The following ABCG1 variants were observed in gnomAD, a reference collection of about 807,000 sequenced individuals.
ABCG1 encodes the protein ATP binding cassette subfamily G member 1.
ABCG1 carries 29 observed loss-of-function variants against 69.2 expected under a neutral mutation model. That is an observed-to-expected ratio of 0.42 (90% CI 0.31 to 0.57). The LOEUF (loss-of-function observed/expected upper bound fraction) is 0.57. Ranked by LOEUF, ABCG1 falls within the 20% of genes least tolerant of loss-of-function variation. ABCG1 has a pLI of 0.15. For synonymous variants in ABCG1, 370 were observed against 374.8 expected (o/e 0.99, Z 0.15); for missense variants, 718 against 898.1 (o/e 0.80, Z 2.56).
chr21:42,224,701 C>T (rs2067786105), intron 1 of ABCG1, among the ~76,000 whole-genome samples: 1 of 152,168 alleles, frequency 6.6e-6, no homozygotes, highest in Non-Finnish European at 1.5e-5. Context: ...ATTTGGAAGA[C>T]AGCAAGAAAA....
At chr21:42,292,968 CCA>C (rs1287267154) in intron 13 of ABCG1, among the ~76,000 whole-genome samples, 2 of 147,134 alleles carry the variant, frequency 1.4e-5, no homozygotes, top group African/African-American at 5.0e-5. Flanking sequence ...ACACTACACA[CCA>C]CACACTACAC....
At chr21:42,275,030 T>A (rs8134199) in intron 4 of ABCG1, among the ~76,000 whole-genome samples, 39,221 of 151,984 alleles carry the variant, frequency 0.26, 5,223 homozygotes, top group African/African-American at 0.31. Flanking sequence ...CTTGATCTGC[T>A]CTGTGCTTTG....
intron 3 of ABCG1, among the ~76,000 whole-genome samples, chr21:42,271,451 G>A (rs938280012): frequency 2.7e-5 from 4 of 150,712 alleles, no homozygotes; most frequent in Admixed American, 2.6e-4. Flanking sequence ...ACAGGAGGAA[G>A]TAGGAAGGTC....
chr21:42,233,591 A>C (rs2067932582), intron 2 of ABCG1, among the ~76,000 whole-genome samples: 1 of 152,240 alleles, frequency 6.6e-6, no homozygotes, highest in African/African-American at 2.4e-5. Flanking sequence ...CTTGGTCTTG[A>C]AATAAGCTCA....
intron 2 of ABCG1, among the ~76,000 whole-genome samples, chr21:42,227,839 GGAGAGA>G (rs147610335): frequency 6.6e-6 from 1 of 150,548 alleles, no homozygotes; most frequent in East Asian, 1.9e-4. Flanking sequence ...TGGGGTGAGG[GGAGAGA>G]GAGAGAGAGA....
chr21:42,250,087 G>A (rs781499364), intron 2 of ABCG1, among the ~76,000 whole-genome samples: 21 of 151,910 alleles, frequency 1.4e-4, no homozygotes, highest in Non-Finnish European at 2.2e-4. Flanking sequence ...CTTGGGTCAC[G>A]TGTGAACACA....
intron 7 of ABCG1, 72 bp downstream of exon 7, chr21:42,284,755 G>C: frequency 6.4e-7 from 1 of 1,555,516 alleles, no homozygotes; most frequent in Non-Finnish European, 8.7e-7. Flanking sequence ...ACCAAACCCT[G>C]GGTACCCACT....
intron 2 of ABCG1, among the ~76,000 whole-genome samples, chr21:42,229,412 A>G (rs1360090683): frequency 6.6e-6 from 1 of 152,188 alleles, no homozygotes; most frequent in East Asian, 1.9e-4. Context: ...GTAAGAAGTG[A>G]AGCAGTTTTG....
chr21:42,252,601 T>C (rs938522093), intron 2 of ABCG1, among the ~76,000 whole-genome samples: 3 of 152,102 alleles, frequency 2.0e-5, no homozygotes, highest in Admixed American at 1.3e-4. Flanking sequence ...GATTTTTCTT[T>C]AGCGGGGGTG....
At position 42,273,331 on chromosome 21, in the gene ABCG1, A is replaced by G. The variant is rs753135977; in HGVS notation, c.433A>G (p.Ile145Val). 5 of 1,613,458 alleles carry G rather than the reference A, an allele frequency of 3.1e-6. No individual in the cohort carries two copies. The East Asian group carries it at 1.1e-4, about 36-fold the overall frequency. Reference protein sequence around the residue: ...RETGMKGAVLINGLPRDLRCF... With the variant: ...RETGMKGAVLVNGLPRDLRCF... ...GACGGGCATGAAGGGGGCCGTCCTCATCAACGGCCTGCCCCGGGACCTGCG... is the reference window on the plus strand; with the variant it reads ...GACGGGCATGAAGGGGGCCGTCCTCGTCAACGGCCTGCCCCGGGACCTGCG... Residue 145 changes from isoleucine (I) to valine (V), a missense_variant, in exon 4 of 15, where the codon ATC becomes GTC. Ile to Val is a conservative substitution (Grantham distance 29). This residue lies in a region of ABCG1 where 514 missense variants were observed against 574.3 expected (regional missense o/e 0.90). Coordinates refer to ENST00000398449, the MANE Select transcript of ABCG1 (RefSeq NM_016818.3). The surrounding 1 kb of genome is among the most constrained non-coding windows in gnomAD (Gnocchi z 5.3).
upstream of ABCG1, among the ~76,000 whole-genome samples, chr21:42,211,888 TAAAAACAAAAATCA>T (rs1569201378): frequency 6.6e-6 from 1 of 151,918 alleles, no homozygotes; most frequent in Non-Finnish European, 1.5e-5. Flanking sequence ...GACTCTGTCT[TAAAAACAAAAATCA>T]AAAAACAAAA....
At chr21:42,254,577 A>G (rs2123661737) in intron 2 of ABCG1, among the ~76,000 whole-genome samples, 1 of 152,338 alleles carries the variant, frequency 6.6e-6, no homozygotes, top group East Asian at 1.9e-4. Context: ...TTCCTGTTTC[A>G]GAAGGTGCAA....
In ABCG1 at chr21:42,284,658, C is replaced by A; in HGVS notation, c.833C>A (p.Ala278Asp). The change falls in exon 7 of 15, where the codon GCC becomes GAC. Residue 278 changes from alanine (A) to aspartate (D), a missense_variant. This residue lies in a region of ABCG1 where 514 missense variants were observed against 574.3 expected (regional missense o/e 0.90). Transcript: ENST00000398449. ...SIICTIHQPSAKLFELFDQLY... is the reference protein window; with the variant it reads ...SIICTIHQPSDKLFELFDQLY... Reference sequence around the variant, plus strand: ...ATTTGCACCATCCACCAGCCCAGCGCCAAACTCTTCGAGCTGTTCGACCAG... The same window carrying A: ...ATTTGCACCATCCACCAGCCCAGCGACAAACTCTTCGAGCTGTTCGACCAG... 6.2e-7 allele frequency: 1 copy of A among 1,613,800 alleles called. No homozygotes were observed. The highest frequency in any genetic ancestry group is 2.2e-5 in the East Asian group (1 of 44,880).
At chr21:42,264,615 T>G (rs1255416783) in intron 2 of ABCG1, among the ~76,000 whole-genome samples, 1 of 152,132 alleles carries the variant, frequency 6.6e-6, no homozygotes, top group African/African-American at 2.4e-5. Flanking sequence ...AAAGGTGAGG[T>G]TCCTACTTCT....
chr21:42,271,011 A>G, intron 2 of ABCG1, 59 bp from the exon 3 acceptor site: 3 of 1,198,050 alleles, frequency 2.5e-6, no homozygotes, highest in South Asian at 2.0e-5. Flanking sequence ...GAACATTTGC[A>G]TATTTACTGC....
intron 2 of ABCG1, among the ~76,000 whole-genome samples, chr21:42,245,662 G>A (rs939392138): frequency 3.9e-5 from 6 of 152,238 alleles, no homozygotes; most frequent in Non-Finnish European, 5.9e-5. Context: ...TCTGCAAACA[G>A]GAGTCGCATC....
At chr21:42,257,828 T>G (rs933615964) in intron 2 of ABCG1, among the ~76,000 whole-genome samples, 1 of 152,176 alleles carries the variant, frequency 6.6e-6, no homozygotes, top group African/African-American at 2.4e-5. Context: ...GACTGAGGCT[T>G]CATGAAGATC....
Position 42,288,146 on chromosome 21 carries a change from C to G in ABCG1, c.1123-65C>G. 1.2e-6 allele frequency: 2 copies of G among 1,610,734 alleles called. No individual in the cohort carries two copies. The highest frequency in any genetic ancestry group is 1.1e-5 in the South Asian group (1 of 91,012). ...TGCACTGCTGCATGAGAGCTCTTTC[C>G]GAGCAAGAAGGAGCCGTGGCTCCGG... On this transcript the variant is annotated intron_variant, in intron 9 of 14. Coordinates refer to ENST00000398449, the MANE Select transcript of ABCG1 (RefSeq NM_016818.3). The surrounding 1 kb of genome is among the most constrained non-coding windows in gnomAD (Gnocchi z 4.8).
chr21:42,273,183 T>G lies in ABCG1; in HGVS notation c.405-120T>G. ...TGCCCCTCGGGGTCCCCGTGGCCAG[T>G]GGTTCAGCTGGGAAGATGCTGGGAG... On this transcript the variant is annotated intron_variant, in intron 3 of 14. Transcript: ENST00000398449. The surrounding 1 kb of genome is among the most constrained non-coding windows in gnomAD (Gnocchi z 5.3). 7.1e-7 allele frequency: 1 copy of G among 1,401,984 alleles called. No homozygotes were observed. Among genetic ancestry groups the G allele is most frequent in the Non-Finnish European group, 9.6e-7 (1 of 1,042,136 alleles). The allele number at this position is 1,401,984 out of a possible 1,614,324, so 86.8% of individuals were successfully genotyped here.
Sources: allele counts gnomAD v4.1 joint callset (sites outside exome capture counted in the v4.1 genomes callset), GRCh38; gene constraint gnomAD v4.1.1; regional missense constraint gnomAD v4.1.1; non-coding constraint Gnocchi (gnomAD v3.1); transcripts MANE v1.5; gene names NCBI Gene and HGNC (gene_info 2026-07-23, HGNC 2026-07-21).